Variants in SEMA3C observed in about 807,000 individuals in gnomAD.
SEMA3C encodes semaphorin-3C.
A neutral mutation model predicts 89.4 loss-of-function variants in SEMA3C; 47 were observed. The ratio of observed to expected loss-of-function variants is 0.53; its 90% confidence interval spans 0.42 to 0.67. SEMA3C has a LOEUF of 0.67. Among genes scored for constraint, SEMA3C ranks in the 30% least tolerant of loss-of-function variants. The pLI is 0.00. For synonymous variants in SEMA3C, 310 were observed against 320.2 expected (o/e 0.97, Z 0.34); for missense variants, 839 against 929.1 (o/e 0.90, Z 1.26).
intron 2 of SEMA3C, among the ~76,000 whole-genome samples, chr7:80,876,951 G>A (rs1000148335): frequency 2.0e-5 from 3 of 152,116 alleles, no homozygotes; most frequent in Non-Finnish European, 2.9e-5. Flanking sequence ...TCAGGGTCAC[G>A]CCAAACTGGA....
chr7:80,867,071 A>ATTTGG (rs1368987479), intron 2 of SEMA3C, among the ~76,000 whole-genome samples: 2 of 152,226 alleles, frequency 1.3e-5, no homozygotes, highest in Non-Finnish European at 2.9e-5. Flanking sequence ...TTTGGACAGC[A>ATTTGG]TTTGTTTAAA....
In SEMA3C at chr7:80,833,645, T is replaced by G. The variant is rs117851995; in HGVS notation, c.104-4900A>C. On this transcript the variant is annotated intron_variant, in intron 2 of 17. Transcript: ENST00000265361. Reference sequence around the variant, plus strand: ...ATGGCTTACTGATAGTTGACAGCTGTTAACCAGGGAGATTTACTTCAGAAG... The same window carrying G: ...ATGGCTTACTGATAGTTGACAGCTGGTAACCAGGGAGATTTACTTCAGAAG... Among the ~76,000 whole-genome samples, 1,282 of 152,276 alleles carry G rather than the reference T, an allele frequency of 8.4e-3. 21 individuals carry two copies. Among genetic ancestry groups the G allele is most frequent in the South Asian group, 0.039 (187 of 4,828 alleles).
At position 80,800,782 on chromosome 7, in the gene SEMA3C, C is replaced by T. The variant is rs770892632; in HGVS notation, c.961G>A (p.Val321Met). 47 of 1,529,844 alleles carry T rather than the reference C, an allele frequency of 3.1e-5. No homozygotes were observed. The Admixed American group carries it at 9.1e-4, about 30-fold the overall frequency. The allele number at this position is 1,529,844 out of a possible 1,614,324, so 94.8% of individuals were successfully genotyped here. Residue 321 changes from valine to methionine, a missense_variant, in exon 10 of 18, where the codon GTG (valine) becomes ATG (methionine). By Grantham distance (21) the Val-to-Met change is conservative. Coordinates refer to ENST00000265361, the MANE Select transcript of SEMA3C (RefSeq NM_006379.5). ...LETDNPRTTL[V>M]YGIFTTSSSV... Reference sequence around the variant, plus strand: ...CTTGATGTTGTAAAAATGCCATACACTAGTGTTGTCCTCGGGTTATCAGTT... The same window carrying T: ...CTTGATGTTGTAAAAATGCCATACATTAGTGTTGTCCTCGGGTTATCAGTT...
chr7:80,857,083 T>C (rs1790660000), intron 2 of SEMA3C, among the ~76,000 whole-genome samples: 1 of 152,120 alleles, frequency 6.6e-6, no homozygotes, highest in Admixed American at 6.6e-5. Flanking sequence ...CTCACAAATT[T>C]CATCACCAAT....
intron 2 of SEMA3C, chr7:80,905,994 A>C (rs1792005946): frequency 1.2e-6 from 1 of 820,300 alleles, no homozygotes; most frequent in African/African-American, 1.8e-5. Context: ...CTTTGTAAGG[A>C]AGCTGGGTGA....
At chr7:80,849,259 C>T (rs1790455852) in intron 2 of SEMA3C, among the ~76,000 whole-genome samples, 1 of 152,134 alleles carries the variant, frequency 6.6e-6, no homozygotes, top group Non-Finnish European at 1.5e-5. Flanking sequence ...CAGCTTTCCA[C>T]CTACAATTTC....
At chr7:80,867,081 A>G (rs535721481) in intron 2 of SEMA3C, among the ~76,000 whole-genome samples, 1 of 152,326 alleles carries the variant, frequency 6.6e-6, no homozygotes, top group South Asian at 2.1e-4. Flanking sequence ...ATTTGTTTAA[A>G]TATACAAAAT....
chr7:80,746,846 T>A (rs2117023351), intron 17 of SEMA3C, among the ~76,000 whole-genome samples: 1 of 152,100 alleles, frequency 6.6e-6, no homozygotes, highest in Non-Finnish European at 1.5e-5. Context: ...TTTTATTCCA[T>A]AAGTATTAGT....
chr7:80,795,067 A>C (rs1789030161), intron 11 of SEMA3C, among the ~76,000 whole-genome samples: 1 of 152,144 alleles, frequency 6.6e-6, no homozygotes, highest in African/African-American at 2.4e-5. Context: ...CTGTAGGGGG[A>C]AATAAAGTAG....
intron 17 of SEMA3C, among the ~76,000 whole-genome samples, chr7:80,748,400 A>G (rs1283813816): frequency 6.6e-6 from 1 of 152,166 alleles, no homozygotes; most frequent in Non-Finnish European, 1.5e-5. Context: ...ATGATTCCAT[A>G]TATTACCTAA....
chr7:80,784,162 T>A (rs192434526), intron 12 of SEMA3C, among the ~76,000 whole-genome samples: 101 of 152,210 alleles, frequency 6.6e-4, no homozygotes, highest in African/African-American at 2.0e-3. Flanking sequence ...TGTTACACAG[T>A]CTGCTTTGAA....
chr7:80,899,936 T>C (rs1791835870), intron 2 of SEMA3C, among the ~76,000 whole-genome samples: 1 of 152,192 alleles, frequency 6.6e-6, no homozygotes, highest in Admixed American at 6.5e-5. Context: ...CTATTCTAGT[T>C]ATCTTTTAAA....
intron 12 of SEMA3C, among the ~76,000 whole-genome samples, chr7:80,781,359 ATGCAACTCAT>A (rs1788686910): frequency 6.6e-6 from 1 of 152,236 alleles, no homozygotes; most frequent in Non-Finnish European, 1.5e-5. Flanking sequence ...AAGAATAAGA[ATGCAACTCAT>A]TGCAACACAT....
chr7:80,914,170 T>C (rs1399260943), intron 2 of SEMA3C, among the ~76,000 whole-genome samples: 2 of 152,222 alleles, frequency 1.3e-5, no homozygotes, highest in African/African-American at 4.8e-5. Flanking sequence ...GATTTTTTAT[T>C]GGAAAACAGT....
At chr7:80,919,316 A>G (rs549694946), upstream of SEMA3C, 25 of 985,152 alleles carry the variant, frequency 2.5e-5, no homozygotes, top group African/African-American at 3.5e-5. Context: ...CGCAGGCTGG[A>G]GCCCTAGCTC....
At chr7:80,789,265 T>G (rs1788876260) in intron 12 of SEMA3C, 41 bp downstream of exon 12, 2 of 1,517,768 alleles carry the variant, frequency 1.3e-6, no homozygotes, top group East Asian at 4.5e-5. Context: ...AGTACATTCT[T>G]TTACTACACA....
rs558470489 is a variant in SEMA3C at position 80,892,723 on chromosome 7, C to T, written c.103+23956G>A. ...TACAAGGCATTTCTAGAAATTCAGG[C>T]GTAAGTATTTTGCTCTTTGTCTACT... On this transcript the variant is annotated intron_variant, in intron 2 of 17. Coordinates refer to ENST00000265361, the MANE Select transcript of SEMA3C (RefSeq NM_006379.5). 4.2e-4 allele frequency among the ~76,000 whole-genome samples: 64 copies of T among 152,108 alleles called. 1 individual carries two copies. The highest frequency in any genetic ancestry group is 1.4e-3 in the African/African-American group (59 of 41,526).
chr7:80,770,688 C>T (rs1788410971), intron 12 of SEMA3C, among the ~76,000 whole-genome samples: 1 of 152,186 alleles, frequency 6.6e-6, no homozygotes, highest in Admixed American at 6.5e-5. Flanking sequence ...AATGGTTTAC[C>T]TCTCTTCCGG....
At chr7:80,784,860 T>A (rs1788767054) in intron 12 of SEMA3C, among the ~76,000 whole-genome samples, 1 of 152,122 alleles carries the variant, frequency 6.6e-6, no homozygotes. Context: ...AAAACAACAT[T>A]ATTAGTGTAT....
Sources: allele counts gnomAD v4.1 joint callset (sites outside exome capture counted in the v4.1 genomes callset), GRCh38; gene constraint gnomAD v4.1.1; transcripts MANE v1.5; gene names NCBI Gene and HGNC (gene_info 2026-07-23, HGNC 2026-07-21).